The following TTN variants were observed in gnomAD, a reference collection of about 807,000 sequenced individuals.
The protein encoded by TTN is titin, also known as connectin.
In TTN, 1,525 loss-of-function variants were observed where a neutral mutation model predicts 3,223.0. That is an observed-to-expected ratio of 0.47 (90% CI 0.45 to 0.49). TTN has a LOEUF of 0.49. TTN is among the 20% of genes least tolerant of loss of function. The probability of loss-of-function intolerance (pLI) is 0.00; values close to 1 mark genes in which losing one functional copy is unlikely to be tolerated. For missense variants in TTN, 40,786 were observed against 43,424.0 expected (o/e 0.94, Z 5.40); for synonymous variants, 14,094 against 15,161.0 (o/e 0.93, Z 5.17).
Position 178,579,316 on chromosome 2 carries a change from T to A in TTN, c.67714A>T (p.Ile22572Phe), listed in dbSNP as rs779301386. The change falls in exon 320 of 363, where the codon ATC (isoleucine) becomes TTC (phenylalanine). Residue 22572 changes from isoleucine (I) to phenylalanine (F), a missense_variant. By Grantham distance (21) the Ile-to-Phe change is conservative. Transcript: ENST00000589042. Reference sequence around the variant, plus strand: ...GGAGCTGGCTTGCCTTTTATGGGGATCTTAAGCCGGAAGTTGCTGTTTTCT... The same window carrying A: ...GGAGCTGGCTTGCCTTTTATGGGGAACTTAAGCCGGAAGTTGCTGTTTTCT... ...AKENSNFRLKIPIKGKPAPSV... is the reference protein window; with the variant it reads ...AKENSNFRLKFPIKGKPAPSV... 1 of 1,609,818 alleles carries A rather than the reference T, an allele frequency of 6.2e-7. No homozygotes were observed. Among genetic ancestry groups the A allele is most frequent in the Non-Finnish European group, 8.5e-7 (1 of 1,177,414 alleles).
Position 178,570,893 on chromosome 2 carries a change from C to G in TTN, c.75239G>C (p.Arg25080Pro), listed in dbSNP as rs543598247. The G allele has an allele frequency of 1.2e-6, 2 of 1,613,454 alleles. No homozygotes were observed. Among genetic ancestry groups the G allele is most frequent in the Non-Finnish European group, 1.7e-6 (2 of 1,179,594 alleles). Residue 25080 changes from arginine (R) to proline (P), a missense_variant, in exon 326 of 363, where the codon CGG becomes CCG. By Grantham distance (103) the Arg-to-Pro change is moderately radical (BLOSUM62 -2). Coordinates refer to ENST00000589042, the MANE Select transcript of TTN (RefSeq NM_001267550.2). ...TCCTGCGGCATTTCGGGCTATAACC[C>G]GGAACTCATATCTGTGATCTTCAAC... Reference protein sequence around the residue: ...GLVEDHRYEFRVIARNAAGVF... With the variant: ...GLVEDHRYEFPVIARNAAGVF...
At position 178,552,371 on chromosome 2, in the gene TTN, A is replaced by G. The variant is rs748918212; in HGVS notation, c.90529T>C (p.Phe30177Leu). The part of the protein sequence containing the change: ...KDGLPLKESE[F>L]VRFSKTENKI... Reference sequence around the variant, plus strand: ...TTTTCAGTTTTACTGAAGCGAACAAATTCACTTTCTTTCAGTGGCAAGCCA... The same window carrying G: ...TTTTCAGTTTTACTGAAGCGAACAAGTTCACTTTCTTTCAGTGGCAAGCCA... The change falls in exon 335 of 363, where the codon TTT (phenylalanine) becomes CTT (leucine). Residue 30177 changes from phenylalanine to leucine, a missense_variant. Transcript: ENST00000589042. The G allele has an allele frequency of 5.0e-6, 8 of 1,593,450 alleles. No individual in the cohort carries two copies. The East Asian group carries it at 6.7e-5, about 13-fold the overall frequency.
In TTN at chr2:178,586,821, A is replaced by G. The variant is rs544434918; in HGVS notation, c.64094-14T>C. ...GATCCGGCTCACCTAGAAGAAAAAC[A>G]TAATTTAGAAGATTACCTAGGTAAC... On this transcript the variant is annotated splice_polypyrimidine_tract_variant and intron_variant, in intron 307 of 362. Transcript: ENST00000589042. 4 of 1,604,508 alleles carry G rather than the reference A, an allele frequency of 2.5e-6. No homozygotes were observed. Among genetic ancestry groups the G allele is most frequent in the African/African-American group, 2.7e-5 (2 of 73,974 alleles).
rs1265445775 is a variant in TTN, at chr2:178,572,874, C to T, written c.73258G>A (p.Glu24420Lys). ...PALVPGTPKA[E>K]DRMLPPEIEL... ...ATTTCTGGAGGCAGCATTCTGTCTT[C>T]AGCCTTTGGAGTTCCAGGAACAAGG... The change falls in exon 326 of 363, where the codon GAA (glutamate) becomes AAA (lysine). Residue 24420 changes from glutamate to lysine, a missense_variant. Coordinates refer to ENST00000589042, the MANE Select transcript of TTN (RefSeq NM_001267550.2). 3.7e-6 allele frequency: 6 copies of T among 1,613,330 alleles called. No individual in the cohort carries two copies. Among genetic ancestry groups the T allele is most frequent in the African/African-American group, 2.7e-5 (2 of 74,908 alleles).
chr2:178,741,755 C>T lies in TTN; in HGVS notation c.11478G>A (p.Val3826=). 3 of 1,613,638 alleles carry T rather than the reference C, an allele frequency of 1.9e-6. No homozygotes were observed. The highest frequency in any genetic ancestry group is 3.3e-4 in the Middle Eastern group (2 of 6,058). Residue 3826 remains valine (V), a synonymous_variant, in exon 48 of 363, where the codon GTG becomes GTA. Coordinates refer to ENST00000589042, the MANE Select transcript of TTN (RefSeq NM_001267550.2). ...CCCCCATGCTTATATCAGCATTTGA[C>T]ACTTCTTTGATGAAAATTGGGCCAG... is the stretch of plus-strand genomic sequence containing the variant. The part of the protein sequence containing the change: ...EGTGPIFIKE[V]SNADISMGDV...
In TTN at chr2:178,624,620, T is replaced by C; in HGVS notation, c.44660A>G (p.Lys14887Arg). The C allele has an allele frequency of 6.2e-7, 1 of 1,612,662 alleles. No individual in the cohort carries two copies. The highest frequency in any genetic ancestry group is 8.5e-7 in the Non-Finnish European group (1 of 1,179,142). Residue 14887 changes from lysine to arginine, a missense_variant, in exon 242 of 363, where the codon AAA becomes AGA. Transcript: ENST00000589042. ...GCTTTTGAGGATTTCTGTCCCATTT[T>C]TGAACCATTTCACCTTAGCATTTTC... ...SRENAKVKWF[K>R]NGTEILKSKK... is the part of the protein sequence containing the mutation.
chr2:178,689,826 A>G lies in TTN; in HGVS notation c.31833T>C (p.Ala10611=), dbSNP rs575714323. 1 of 1,611,158 alleles carries G rather than the reference A, an allele frequency of 6.2e-7. No individual in the cohort carries two copies. Among genetic ancestry groups the G allele is most frequent in the Non-Finnish European group, 8.5e-7 (1 of 1,179,076 alleles). The change falls in exon 122 of 363, where the codon GCT becomes GCC. Residue 10611 remains alanine (A), a synonymous_variant. Coordinates refer to ENST00000589042, the MANE Select transcript of TTN (RefSeq NM_001267550.2). ...AAGCCACTGTACCTTTAGCTGGGGG[A>G]GCTTCCTTTTTCTTTGCAACAGGAA... ...IPVPVAKKKE[A]PPAKVPEVQK...
rs139775634 is a variant in TTN, at chr2:178,746,254, A to G, written c.11312-4333T>C. 1.8e-5 allele frequency: 29 copies of G among 1,612,388 alleles called. No individual in the cohort carries two copies. The African/African-American group carries it at 3.7e-4, about 21-fold the overall frequency. ...TTTTAAAATCACAAATAGGCATTAT[A>G]AAGCGAGGAGGCATTTCAAATACTT... On this transcript the variant is annotated intron_variant, in intron 47 of 362. Coordinates refer to ENST00000589042, the MANE Select transcript of TTN (RefSeq NM_001267550.2).
intron 278 of TTN, among the ~76,000 whole-genome samples, chr2:178,606,041 A>G (rs942045390): frequency 3.9e-5 from 6 of 152,046 alleles, no homozygotes; most frequent in Non-Finnish European, 8.8e-5. Context: ...AAGTCTGTGA[A>G]GCTTTGCTTT....
Position 178,739,799 on chromosome 2 carries a change from A to G in TTN, c.13434T>C (p.Cys4478=), listed in dbSNP as rs2154317785. Residue 4478 remains cysteine (C), a synonymous_variant, in exon 48 of 363, where the codon TGT becomes TGC. Transcript: ENST00000589042. ...NLKMELRDAL[C]AIIYEEIDIL... ...TGTCTATTTCCTCATATATAATAGCACACAAAGCATCCCTAAGTTCCATTT... is the reference window on the plus strand; with the variant it reads ...TGTCTATTTCCTCATATATAATAGCGCACAAAGCATCCCTAAGTTCCATTT... 6.2e-7 allele frequency: 1 copy of G among 1,613,870 alleles called. No homozygotes were observed.
At chr2:178,705,012 G>C in intron 103 of TTN, 46 bp from the exon 104 acceptor site, 1 of 1,603,538 alleles carries the variant, frequency 6.2e-7, no homozygotes, top group Non-Finnish European at 8.5e-7. Flanking sequence ...AACAAAATTT[G>C]ATTTAGAGGA....
At chr2:178,786,571 G>A (rs1039694585) in intron 13 of TTN, among the ~76,000 whole-genome samples, 6 of 152,134 alleles carry the variant, frequency 3.9e-5, no homozygotes, top group African/African-American at 1.2e-4. Context: ...GATGATATAA[G>A]TGCACTCAAA....
Position 178,678,825 on chromosome 2 carries a change from C to T in TTN, c.33748G>A (p.Glu11250Lys). 6.3e-7 allele frequency: 1 copy of T among 1,590,032 alleles called. No homozygotes were observed. The highest frequency in any genetic ancestry group is 8.5e-7 in the Non-Finnish European group (1 of 1,172,348). Reference sequence around the variant, plus strand: ...TCTGGCACAGGTTTCTTGGGCACTTCAGGAACTTCAAAGATATCAAATAGA... The same window carrying T: ...TCTGGCACAGGTTTCTTGGGCACTTTAGGAACTTCAAAGATATCAAATAGA... ...KEKPPPAKVP[E>K]VPKKPVPEEK... Residue 11250 changes from glutamate to lysine, a missense_variant, in exon 143 of 363, where the codon GAA becomes AAA. By Grantham distance (56) the Glu-to-Lys change is moderately conservative. Coordinates refer to ENST00000589042, the MANE Select transcript of TTN (RefSeq NM_001267550.2).
At position 178,777,964 on chromosome 2, in the gene TTN, G is replaced by T. The variant is rs2092402007; in HGVS notation, c.4220C>A (p.Pro1407Gln). Residue 1407 changes from proline (P) to glutamine (Q), a missense_variant, in exon 25 of 363, where the codon CCA becomes CAA. Physicochemically the swap from Pro to Gln is moderately conservative, Grantham distance 76. Transcript: ENST00000589042. ...EPVSRIRSLSPRSVSRSPIRM... is the reference protein window; with the variant it reads ...EPVSRIRSLSQRSVSRSPIRM... Reference sequence around the variant, plus strand: ...TATAGGAGACCTGCTCACTGAACGTGGAGAGAGAGATCTGCAAAACAAAGA... The same window carrying T: ...TATAGGAGACCTGCTCACTGAACGTTGAGAGAGAGATCTGCAAAACAAAGA... The T allele has an allele frequency of 3.7e-6, 6 of 1,613,664 alleles. No individual in the cohort carries two copies. Among genetic ancestry groups the T allele is most frequent in the Non-Finnish European group, 5.1e-6 (6 of 1,179,822 alleles).
chr2:178,729,167 G>A lies in TTN; in HGVS notation c.18871C>T (p.Pro6291Ser), dbSNP rs756029638. 2 of 1,575,152 alleles carry A rather than the reference G, an allele frequency of 1.3e-6. No individual in the cohort carries two copies. The highest frequency in any genetic ancestry group is 1.7e-6 in the Non-Finnish European group (2 of 1,161,604). Residue 6291 changes from proline to serine, a missense_variant and splice_region_variant, in exon 65 of 363, where the codon CCA becomes TCA. Pro to Ser is a moderately conservative substitution (Grantham distance 74). Transcript: ENST00000589042. ...TCTATCTTCTTAATGAATGATGGTG[G>A]TTCTGTGATTAAATAAGAGAGTGTG... Reference protein sequence around the residue: ...SCSTRVALKEPPSFIKKIENT... With the variant: ...SCSTRVALKESPSFIKKIENT...
Position 178,689,081 on chromosome 2 carries a change from A to G in TTN, c.32067T>C (p.Pro10689=), listed in dbSNP as rs746129328. 1.2e-6 allele frequency: 2 copies of G among 1,608,786 alleles called. No homozygotes were observed. Among genetic ancestry groups the G allele is most frequent in the East Asian group, 2.2e-5 (1 of 44,640 alleles). ...GGGGAGGAGGAGCTTTCTTAGCGAC[A>G]GGAACTGGCACTGCAACTTTCTCCT... ...VPEEKVAVPV[P]VAKKAPPPRA... The change falls in exon 125 of 363, where the codon CCT becomes CCC. Residue 10689 remains proline, a synonymous_variant. Transcript: ENST00000589042.
Position 178,531,847 on chromosome 2 carries a change from G to A in TTN, c.104768C>T (p.Thr34923Ile). 1.9e-6 allele frequency: 3 copies of A among 1,613,804 alleles called. No homozygotes were observed. Among genetic ancestry groups the A allele is most frequent in the Non-Finnish European group, 2.5e-6 (3 of 1,179,794 alleles). Residue 34923 changes from threonine to isoleucine, a missense_variant, in exon 358 of 363, where the codon ACA becomes ATA. Transcript: ENST00000589042. Reference protein sequence around the residue: ...SMKAALKTQKTSERKYEVLSQ... With the variant: ...SMKAALKTQKISERKYEVLSQ... Reference sequence around the variant, plus strand: ...CAAAACTTCATACTTCCTTTCTGATGTCTTCTGAGTTTTTAAAGCAGCTTT... The same window carrying A: ...CAAAACTTCATACTTCCTTTCTGATATCTTCTGAGTTTTTAAAGCAGCTTT...
Position 178,530,558 on chromosome 2 carries a change from C to T in TTN, c.106057G>A (p.Asp35353Asn), listed in dbSNP as rs780037060. ...ELKINNLTESDQGEYVCEISG... is the reference protein window; with the variant it reads ...ELKINNLTESNQGEYVCEISG... ...ATCTCACAAACATATTCTCCTTGAT[C>T]AGATTCAGTGAGGTTATTGATTTTG... is the stretch of plus-strand genomic sequence containing the variant. Residue 35353 changes from aspartate to asparagine, a missense_variant, in exon 358 of 363, where the codon GAT becomes AAT. Asp to Asn is a conservative substitution (Grantham distance 23). Transcript: ENST00000589042. 6.2e-7 allele frequency: 1 copy of T among 1,613,984 alleles called. No homozygotes were observed. The highest frequency in any genetic ancestry group is 8.5e-7 in the Non-Finnish European group (1 of 1,179,886).
intron 13 of TTN, among the ~76,000 whole-genome samples, 153 bp from the exon 14 acceptor site, chr2:178,786,294 C>A (rs2093176567): frequency 6.6e-6 from 1 of 152,146 alleles, no homozygotes; most frequent in African/African-American, 2.4e-5. Context: ...GGGACTATTT[C>A]ATTGATTATT....
Sources: allele counts gnomAD v4.1 joint callset (sites outside exome capture counted in the v4.1 genomes callset), GRCh38; gene constraint gnomAD v4.1.1; transcripts MANE v1.5; gene names NCBI Gene and HGNC (gene_info 2026-07-23, HGNC 2026-07-21).